MYEOV: variants seen among roughly 807,000 people sequenced by gnomAD.
MYEOV encodes myeloma-overexpressed gene protein.
In MYEOV, 4 loss-of-function variants were observed where a neutral mutation model predicts 4.5. The observed-to-expected ratio is 0.89, with a 90% CI of 0.44 to 2.03. MYEOV has a LOEUF of 2.03. MYEOV is among the 30% of genes most tolerant of loss of function. The probability of loss-of-function intolerance (pLI) is 0.03; values close to 1 mark genes in which losing one functional copy is unlikely to be tolerated. For synonymous variants in MYEOV, 184 were observed against 170.3 expected (o/e 1.08, Z -0.63); for missense variants, 408 against 412.8 (o/e 0.99, Z 0.10).
rs1318658112 is a variant in MYEOV, at chr11:69,296,391, G to C, written c.941G>C (p.Ter314SerextTer15). 1 of 1,450,562 alleles carries C rather than the reference G, an allele frequency of 6.9e-7. No homozygotes were observed. The highest frequency in any genetic ancestry group is 2.4e-5 in the East Asian group (1 of 40,884). The allele number at this position is 1,450,562 out of a possible 1,614,324, so 89.9% of individuals were successfully genotyped here. Reference protein sequence around the residue: ...LLLLIIILTC* With the variant: ...LLLLIIILTCS ...CTCCTCATCATCATCCTCACTTGTT[G>C]AGGACGTCCTGTGTGCCAAGTGGTT... The change falls in exon 3 of 3, where the codon TGA (stop) becomes TCA (serine). Residue 314 changes from the stop codon to serine, a stop_lost. Coordinates refer to ENST00000441339, the MANE Select transcript of MYEOV (RefSeq NM_001293291.2).
At position 69,296,513 on chromosome 11, in the gene MYEOV, TCAA is replaced by T. The variant is rs1334131098; in HGVS notation, c.*125_*127del. On this transcript the variant is annotated 3_prime_UTR_variant, in exon 3 of 3. Coordinates refer to ENST00000441339, the MANE Select transcript of MYEOV (RefSeq NM_001293291.2). Reference sequence around the variant, plus strand: ...TGAGGAAACTGAGGCCTAGAGAAGCTCAACAAGTTGCCTAAGTTCCAAGTTTCC... The same window carrying T: ...TGAGGAAACTGAGGCCTAGAGAAGCTCAAGTTGCCTAAGTTCCAAGTTTCC... 6 of 656,156 alleles carry T rather than the reference TCAA, an allele frequency of 9.1e-6. No individual in the cohort carries two copies. Among genetic ancestry groups the T allele is most frequent in the Non-Finnish European group, 1.4e-5 (6 of 415,134 alleles). 40.6% of individuals were successfully genotyped at this position (656,156 alleles called of 1,614,324 possible).
At position 69,295,994 on chromosome 11, in the gene MYEOV, G is replaced by A. The variant is rs775227408; in HGVS notation, c.544G>A (p.Glu182Lys). Residue 182 changes from glutamate (E) to lysine (K), a missense_variant, in exon 3 of 3, where the codon GAG becomes AAG. Physicochemically the swap from Glu to Lys is moderately conservative, Grantham distance 56. Coordinates refer to ENST00000441339, the MANE Select transcript of MYEOV (RefSeq NM_001293291.2). The surrounding 1 kb of genome is among the most constrained non-coding windows in gnomAD (Gnocchi z 4.1). ...TGAGCAGGCCATTAGCTCGTGCCCT[G>A]AGGAGGTGCATGGGCGGCATGGGCT... is the stretch of plus-strand genomic sequence containing the variant. The part of the protein sequence containing the change: ...GVEQAISSCP[E>K]EVHGRHGLSM... 4 of 1,614,156 alleles carry A rather than the reference G, an allele frequency of 2.5e-6. No homozygotes were observed. In the East Asian group the frequency reaches 8.9e-5, roughly 36 times the overall value.
At position 69,295,006 on chromosome 11, in the gene MYEOV, A is replaced by G. The variant is rs1347648152; in HGVS notation, c.-122-227A>G. ...CTGGAGTCATCTGTGGCTATAAACC[A>G]GGAGGAGAAGGCTGCCCACCCCCTG... On this transcript the variant is annotated intron_variant, in intron 1 of 2. Transcript: ENST00000441339. The surrounding 1 kb of genome is among the most constrained non-coding windows in gnomAD (Gnocchi z 4.1). Among the ~76,000 whole-genome samples the G allele has an allele frequency of 2.0e-5, 3 of 152,082 alleles. No individual in the cohort carries two copies. Among genetic ancestry groups the G allele is most frequent in the Non-Finnish European group, 4.4e-5 (3 of 67,998 alleles).
rs1855147902 is a variant in MYEOV at position 69,295,225 on chromosome 11, C to T, written c.-122-8C>T. On this transcript the variant is annotated splice_polypyrimidine_tract_variant and splice_region_variant and intron_variant, in intron 1 of 2. Coordinates refer to ENST00000441339, the MANE Select transcript of MYEOV (RefSeq NM_001293291.2). This position sits in a 1 kb window ranked among gnomAD's most constrained non-coding sequence, Gnocchi z 4.1. ...GATTACGGATGGTAGTATCTTCCTT[C>T]TCCTCAGAGTCCATTCAGGAGCAGG... 4 of 1,383,348 alleles carry T rather than the reference C, an allele frequency of 2.9e-6. No individual in the cohort carries two copies. The South Asian group carries it at 5.8e-5, about 20-fold the overall frequency. 85.7% of individuals were successfully genotyped at this position (1,383,348 alleles called of 1,614,324 possible). A position where few individuals can be genotyped will look rare whatever the true frequency, so the allele number is the denominator to read the frequency against.
Position 69,295,606 on chromosome 11 carries a change from G to T in MYEOV, c.156G>T (p.Gly52=), listed in dbSNP as rs1272566889. The change falls in exon 3 of 3, where the codon GGG becomes GGT. Residue 52 remains glycine, a synonymous_variant. Transcript: ENST00000441339. This position sits in a 1 kb window ranked among gnomAD's most constrained non-coding sequence, Gnocchi z 4.1. ...CTTGTCTGTAGTCTGTCCCCCTTGG[G>T]GACAGGGACTCGTTGCTCATGTTCA... ...TFHLHQSVPL[G]DRDSLLMFTR... 6.2e-7 allele frequency: 1 copy of T among 1,613,600 alleles called. No homozygotes were observed. Among genetic ancestry groups the T allele is most frequent in the East Asian group, 2.2e-5 (1 of 44,874 alleles).
At position 69,296,706 on chromosome 11, in the gene MYEOV, G is replaced by A. The variant is rs1030114087; in HGVS notation, c.*314G>A. ...GCTCCTTCTGGTCATTTTCTCAGCT[G>A]GTTAGAGGCTGGGAGGACACGCAAG... On this transcript the variant is annotated 3_prime_UTR_variant, in exon 3 of 3. Coordinates refer to ENST00000441339, the MANE Select transcript of MYEOV (RefSeq NM_001293291.2). The A allele has an allele frequency of 1.6e-5, 5 of 309,334 alleles. No individual in the cohort carries two copies. Among genetic ancestry groups the A allele is most frequent in the African/African-American group, 8.6e-5 (4 of 46,488 alleles). 19.2% of individuals were successfully genotyped at this position (309,334 alleles called of 1,614,324 possible). A position where few individuals can be genotyped will look rare whatever the true frequency, so the allele number is the denominator to read the frequency against.
In MYEOV at chr11:69,295,846, G is replaced by A; in HGVS notation, c.396G>A (p.Arg132=). ...AGGCAGAAGACGTGGACGTGTCCCG[G>A]GCCAGGAGGGTCACAGATGCACCAC... ...SQEAEDVDVS[R]ARRVTDAPQG... The change falls in exon 3 of 3, where the codon CGG becomes CGA. Residue 132 remains arginine (R), a synonymous_variant. Coordinates refer to ENST00000441339, the MANE Select transcript of MYEOV (RefSeq NM_001293291.2). The surrounding 1 kb of genome is among the most constrained non-coding windows in gnomAD (Gnocchi z 4.1). The A allele has an allele frequency of 6.2e-7, 1 of 1,614,174 alleles. No homozygotes were observed. Among genetic ancestry groups the A allele is most frequent in the Non-Finnish European group, 8.5e-7 (1 of 1,180,022 alleles).
Position 69,295,209 on chromosome 11 carries a change from T to C in MYEOV, c.-122-24T>C. 7.6e-7 allele frequency: 1 copy of C among 1,319,376 alleles called. No individual in the cohort carries two copies. The highest frequency in any genetic ancestry group is 1.0e-6 in the Non-Finnish European group (1 of 986,246). The allele number at this position is 1,319,376 out of a possible 1,614,324, so 81.7% of individuals were successfully genotyped here. A position where few individuals can be genotyped will look rare whatever the true frequency, so the allele number is the denominator to read the frequency against. On this transcript the variant is annotated intron_variant, in intron 1 of 2. Coordinates refer to ENST00000441339, the MANE Select transcript of MYEOV (RefSeq NM_001293291.2). The surrounding 1 kb of genome is among the most constrained non-coding windows in gnomAD (Gnocchi z 4.1). The stretch of plus-strand genomic sequence containing the variant: ...GTGCCTTCCCGGGGTGGATTACGGA[T>C]GGTAGTATCTTCCTTCTCCTCAGAG...
Position 69,295,566 on chromosome 11 carries a change from T to A in MYEOV, c.142-26T>A, listed in dbSNP as rs1396662662. 1 of 1,612,228 alleles carries A rather than the reference T, an allele frequency of 6.2e-7. No homozygotes were observed. The highest frequency in any genetic ancestry group is 1.7e-5 in the Admixed American group (1 of 59,816). ...TGAATGCCACCTGCTGATGTCTGAT[T>A]TATTCATCGGTTTTCTTGTCTGTAG... On this transcript the variant is annotated intron_variant, in intron 2 of 2. Transcript: ENST00000441339. This position sits in a 1 kb window ranked among gnomAD's most constrained non-coding sequence, Gnocchi z 4.1.
At position 69,295,753 on chromosome 11, in the gene MYEOV, T is replaced by C. The variant is rs200342464; in HGVS notation, c.303T>C (p.Ala101=). 32 of 1,614,118 alleles carry C rather than the reference T, an allele frequency of 2.0e-5. No homozygotes were observed. In the Admixed American group the frequency reaches 5.3e-4, roughly 27 times the overall value. Residue 101 remains alanine (A), a synonymous_variant, in exon 3 of 3, where the codon GCT becomes GCC. Coordinates refer to ENST00000441339, the MANE Select transcript of MYEOV (RefSeq NM_001293291.2). The surrounding 1 kb of genome is among the most constrained non-coding windows in gnomAD (Gnocchi z 4.1). ...CATTTGTGTCTCTGTGGTTTGCTGCTGGAGCTGGTGACCGGGAGAGAAACA... is the reference window on the plus strand; with the variant it reads ...CATTTGTGTCTCTGTGGTTTGCTGCCGGAGCTGGTGACCGGGAGAGAAACA... The part of the protein sequence containing the change: ...RGAFVSLWFA[A]GAGDRERNKG...
rs1391561209 is a variant in MYEOV at position 69,294,196 on chromosome 11, T to C, written c.-503T>C. The C allele has an allele frequency of 6.6e-6, 1 of 152,266 alleles. No homozygotes were observed. The highest frequency in any genetic ancestry group is 2.4e-5 in the African/African-American group (1 of 41,442). 9.4% of individuals were successfully genotyped at this position (152,266 alleles called of 1,614,324 possible). ...CCCACATCCCTACAAAGCAGGAAAGTATGCTTGGGAGAGGCCAAGTGAGTG... is the reference window on the plus strand; with the variant it reads ...CCCACATCCCTACAAAGCAGGAAAGCATGCTTGGGAGAGGCCAAGTGAGTG... On this transcript the variant is annotated 5_prime_UTR_variant, in exon 1 of 3. Coordinates refer to ENST00000441339, the MANE Select transcript of MYEOV (RefSeq NM_001293291.2).
rs1590821960 is a variant in MYEOV, at chr11:69,296,352, A to T, written c.902A>T (p.His301Leu). The change falls in exon 3 of 3, where the codon CAC becomes CTC. Residue 301 changes from histidine (H) to leucine (L), a missense_variant. His to Leu is a moderately conservative substitution (Grantham distance 99). Coordinates refer to ENST00000441339, the MANE Select transcript of MYEOV (RefSeq NM_001293291.2). ...VSGASPLLLH[H>L]LLLLLLIIIL... is the part of the protein sequence containing the mutation. ...GGTGCTTCTCCTCTCCTCCTCCACC[A>T]CCTCCTCCTCCTCCTCCTCATCATC... The T allele has an allele frequency of 6.8e-7, 1 of 1,479,756 alleles. No homozygotes were observed. The highest frequency in any genetic ancestry group is 1.4e-5 in the African/African-American group (1 of 70,440). The allele number at this position is 1,479,756 out of a possible 1,614,324, so 91.7% of individuals were successfully genotyped here.
At chr11:69,294,773 G>A (rs1855131409) in intron 1 of MYEOV, among the ~76,000 whole-genome samples, 197 bp downstream of exon 1, 1 of 152,144 alleles carries the variant, frequency 6.6e-6, no homozygotes, top group Middle Eastern at 3.2e-3. Flanking sequence ...GCTCGGGAGT[G>A]ACCAAGCCTC....
rs1855220934 is a variant in MYEOV, at chr11:69,297,114, A to C, written c.*722A>C. 6.6e-6 allele frequency: 1 copy of C among 151,984 alleles called. No individual in the cohort carries two copies. Among genetic ancestry groups the C allele is most frequent in the Admixed American group, 6.6e-5 (1 of 15,258 alleles). 9.4% of individuals were successfully genotyped at this position (151,984 alleles called of 1,614,324 possible). A position where few individuals can be genotyped will look rare whatever the true frequency, so the allele number is the denominator to read the frequency against. On this transcript the variant is annotated 3_prime_UTR_variant, in exon 3 of 3. Coordinates refer to ENST00000441339, the MANE Select transcript of MYEOV (RefSeq NM_001293291.2). Reference sequence around the variant, plus strand: ...TCTCTCTTTGCTTTGGCTGCTGGGGAGCTCAGAAGGGAGCTTTAGGCTTGC... The same window carrying C: ...TCTCTCTTTGCTTTGGCTGCTGGGGCGCTCAGAAGGGAGCTTTAGGCTTGC...
At position 69,296,197 on chromosome 11, in the gene MYEOV, C is replaced by T. The variant is rs747741025; in HGVS notation, c.747C>T (p.Thr249=). The part of the protein sequence containing the change: ...LHRHPTPHCS[T]WGLPLRVAGS... Reference sequence around the variant, plus strand: ...GGCACCCCACCCCTCACTGCTCCACCTGGGGCCTGCCTCTGCGGGTGGCTG... The same window carrying T: ...GGCACCCCACCCCTCACTGCTCCACTTGGGGCCTGCCTCTGCGGGTGGCTG... The change falls in exon 3 of 3, where the codon ACC becomes ACT. Residue 249 remains threonine, a synonymous_variant. Transcript: ENST00000441339. 1 of 1,613,244 alleles carries T rather than the reference C, an allele frequency of 6.2e-7. No homozygotes were observed. Among genetic ancestry groups the T allele is most frequent in the Admixed American group, 1.7e-5 (1 of 59,982 alleles).
rs778830908 is a variant in MYEOV at position 69,296,272 on chromosome 11, G to C, written c.822G>C (p.Met274Ile). 1 of 1,577,364 alleles carries C rather than the reference G, an allele frequency of 6.3e-7. No individual in the cohort carries two copies. The highest frequency in any genetic ancestry group is 8.6e-7 in the Non-Finnish European group (1 of 1,159,436). The part of the protein sequence containing the change: ...VTVEALGGWR[M>I]GVRRTGQVGP... ...TTGAGGCCCTGGGGGGGTGGCGCAT[G>C]GGAGTTAGGAGGACTGGCCAGGTGG... Residue 274 changes from methionine to isoleucine, a missense_variant, in exon 3 of 3, where the codon ATG becomes ATC. Coordinates refer to ENST00000441339, the MANE Select transcript of MYEOV (RefSeq NM_001293291.2).
Position 69,295,853 on chromosome 11 carries a change from A to G in MYEOV, c.403A>G (p.Arg135Gly). The change falls in exon 3 of 3, where the codon AGG becomes GGG. Residue 135 changes from arginine to glycine, a missense_variant. By Grantham distance (125) the Arg-to-Gly change is moderately radical (BLOSUM62 -2). Transcript: ENST00000441339. This position sits in a 1 kb window ranked among gnomAD's most constrained non-coding sequence, Gnocchi z 4.1. Reference protein sequence around the residue: ...AEDVDVSRARRVTDAPQGTLC... With the variant: ...AEDVDVSRARGVTDAPQGTLC... ...AGACGTGGACGTGTCCCGGGCCAGG[A>G]GGGTCACAGATGCACCACAAGGCAC... 6.2e-7 allele frequency: 1 copy of G among 1,614,042 alleles called. No homozygotes were observed. Among genetic ancestry groups the G allele is most frequent in the Non-Finnish European group, 8.5e-7 (1 of 1,180,008 alleles).
At position 69,295,291 on chromosome 11, in the gene MYEOV, C is replaced by T. The variant is rs148961066; in HGVS notation, c.-64C>T. 1.8e-5 allele frequency: 28 copies of T among 1,537,844 alleles called. No individual in the cohort carries two copies. Among genetic ancestry groups the T allele is most frequent in the East Asian group, 4.9e-5 (2 of 40,854 alleles). Reference sequence around the variant, plus strand: ...CCCTAAATCCAGCCACGTCATGCCACGCTTAACACCTCTAACAACTTCCCC... The same window carrying T: ...CCCTAAATCCAGCCACGTCATGCCATGCTTAACACCTCTAACAACTTCCCC... On this transcript the variant is annotated 5_prime_UTR_variant, in exon 2 of 3. It adds an upstream start codon to the 5' untranslated region. Transcript: ENST00000441339. The surrounding 1 kb of genome is among the most constrained non-coding windows in gnomAD (Gnocchi z 4.1).
Position 69,295,269 on chromosome 11 carries a change from TA to T in MYEOV, c.-83del, listed in dbSNP as rs765405810. On this transcript the variant is annotated 5_prime_UTR_variant, in exon 2 of 3. Transcript: ENST00000441339. This position sits in a 1 kb window ranked among gnomAD's most constrained non-coding sequence, Gnocchi z 4.1. ...GAGCAGGAAAGTTCATCTCAGACCC[TA>T]AATCCAGCCACGTCATGCCACGCTT... 1.6e-4 allele frequency: 236 copies of T among 1,511,908 alleles called. No homozygotes were observed. Among genetic ancestry groups the T allele is most frequent in the Non-Finnish European group, 2.0e-4 (231 of 1,127,166 alleles). The allele number at this position is 1,511,908 out of a possible 1,614,324, so 93.7% of individuals were successfully genotyped here.
Sources: gnomAD v4.1 joint callset for allele counts (sites outside exome capture counted in the v4.1 genomes callset) on GRCh38, gnomAD v4.1.1 for gene constraint, Gnocchi (gnomAD v3.1) non-coding constraint, MANE v1.5 for transcripts, NCBI Gene and HGNC (gene_info 2026-07-23, HGNC 2026-07-21) for gene names.